Variants in TAFA2 observed in about 807,000 individuals in gnomAD.
TAFA2 encodes the protein TAFA chemokine like family member 2.
A neutral mutation model predicts 18.8 loss-of-function variants in TAFA2; 7 were observed. The ratio of observed to expected loss-of-function variants is 0.37; its 90% confidence interval spans 0.21 to 0.70. The LOEUF (loss-of-function observed/expected upper bound fraction) is 0.70, where lower values mean the gene tolerates loss of function less well. Ranked by LOEUF, TAFA2 falls within the 30% of genes least tolerant of loss-of-function variation. The pLI, the probability that TAFA2 is intolerant of heterozygous loss-of-function variation, is 0.53. For synonymous variants in TAFA2, 60 were observed against 54.2 expected, an observed-to-expected ratio of 1.11 and a Z score of -0.47; for missense variants, 122 against 158.1, an observed-to-expected ratio of 0.77 and a Z score of 1.23.
intron 1 of TAFA2, among the ~76,000 whole-genome samples, chr12:61,923,600 C>T (rs994437137): frequency 3.3e-5 from 5 of 152,032 alleles, no homozygotes; most frequent in African/African-American, 1.2e-4. Flanking sequence ...ACATCAAAGA[C>T]CAAAGGTAGA....
intron 1 of TAFA2, among the ~76,000 whole-genome samples, chr12:61,961,172 C>G (rs558421486): frequency 6.6e-6 from 1 of 151,826 alleles, no homozygotes; most frequent in East Asian, 2.0e-4. Context: ...GTGCCACACA[C>G]TTGTAAACCA....
At position 62,227,123 on chromosome 12, in the gene TAFA2, C is replaced by T. The variant is rs2062790282; in HGVS notation, c.-130+31640G>A. On this transcript the variant is annotated intron_variant, in intron 1 of 5. Coordinates refer to the TAFA2 transcript ENST00000551619. Reference sequence around the variant, plus strand: ...CCCTTTCCTTATCCTCACTTTATTTCTTGTTATTCCATACCTTGCACTTTG... The same window carrying T: ...CCCTTTCCTTATCCTCACTTTATTTTTTGTTATTCCATACCTTGCACTTTG... 2.0e-5 allele frequency among the ~76,000 whole-genome samples: 3 copies of T among 152,186 alleles called. No individual in the cohort carries two copies. In the South Asian group the frequency reaches 6.2e-4, roughly 32 times the overall value.
intron 3 of TAFA2, among the ~76,000 whole-genome samples, chr12:61,754,378 C>A (rs1452883536): frequency 6.6e-6 from 1 of 151,276 alleles, no homozygotes; most frequent in Non-Finnish European, 1.5e-5. Context: ...ATTAGGTGAA[C>A]CCTCAAGGAA....
At chr12:62,202,484 C>T (rs915291103) in intron 1 of TAFA2, among the ~76,000 whole-genome samples, 1 of 151,750 alleles carries the variant, frequency 6.6e-6, no homozygotes, top group Admixed American at 6.6e-5. Context: ...TAGCTGGGCA[C>T]CCACCACCAT....
intron 2 of TAFA2, among the ~76,000 whole-genome samples, chr12:61,815,301 A>C (rs976387322): frequency 1.3e-5 from 2 of 151,440 alleles, no homozygotes; most frequent in Non-Finnish European, 2.9e-5. Flanking sequence ...GGAGGAAAAA[A>C]GAAAATCAAG....
chr12:62,182,368 T>A (rs76239833), intron 1 of TAFA2, among the ~76,000 whole-genome samples: 3,374 of 152,266 alleles, frequency 0.022, 129 homozygotes, highest in African/African-American at 0.076. Flanking sequence ...GTGACCAGGT[T>A]TGAGCTGCTT....
chr12:61,895,830 T>C (rs995235144), intron 1 of TAFA2, among the ~76,000 whole-genome samples: 1 of 152,102 alleles, frequency 6.6e-6, no homozygotes, highest in African/African-American at 2.4e-5. Flanking sequence ...CATCCATGCC[T>C]AGGTACCCTA....
intron 1 of TAFA2, among the ~76,000 whole-genome samples, chr12:62,238,243 G>C (rs1231945190): frequency 2.0e-5 from 3 of 152,174 alleles, no homozygotes; most frequent in Non-Finnish European, 2.9e-5. Flanking sequence ...TGTCTTCTCA[G>C]AGTTTCTCAG....
intron 2 of TAFA2, among the ~76,000 whole-genome samples, chr12:61,758,150 G>C (rs1869364624): frequency 6.6e-6 from 1 of 151,844 alleles, no homozygotes; most frequent in South Asian, 2.1e-4. Flanking sequence ...TTAGTGGCAT[G>C]AAAAAAATAA....
At chr12:61,997,167 A>ATGTGTGTGTGTGTGTGTGTGTGTG (rs35419865) in intron 1 of TAFA2, among the ~76,000 whole-genome samples, 4 of 145,556 alleles carry the variant, frequency 2.7e-5, no homozygotes, top group South Asian at 2.2e-4. Context: ...ATATGTATAT[A>ATGTGTGTGTGTGTGTGTGTGTGTG]TGTGTGTGTG....
At chr12:62,122,467 T>C (rs1870241149) in intron 1 of TAFA2, among the ~76,000 whole-genome samples, 1 of 152,208 alleles carries the variant, frequency 6.6e-6, no homozygotes. Flanking sequence ...GGTGCTCCTT[T>C]AAGCATTGAC....
At chr12:61,831,452 G>T (rs1872717721) in intron 2 of TAFA2, among the ~76,000 whole-genome samples, 1 of 151,906 alleles carries the variant, frequency 6.6e-6, no homozygotes, top group African/African-American at 2.4e-5. Context: ...TCAAATCAAA[G>T]CTACTTTGAT....
In TAFA2 at chr12:61,871,859, G is replaced by A. The variant is rs144486963; in HGVS notation, c.-1-4433C>T. The stretch of plus-strand genomic sequence containing the variant: ...TGTAATCCCAGCACTTTGGGAGGCC[G>A]AGGTGGGTGGATCACAAGGTCAGGA... On this transcript the variant is annotated intron_variant, in intron 1 of 4. Coordinates refer to ENST00000416284, the MANE Select transcript of TAFA2 (RefSeq NM_178539.5). 6.2e-4 allele frequency among the ~76,000 whole-genome samples: 95 copies of A among 152,258 alleles called. No individual in the cohort carries two copies. In the East Asian group the frequency reaches 8.7e-3, roughly 14 times the overall value.
Position 61,968,442 on chromosome 12 carries a change from T to C in TAFA2, c.-1-101016A>G, listed in dbSNP as rs144142922. On this transcript the variant is annotated intron_variant, in intron 1 of 4. Transcript: ENST00000416284. ...TGTACTTAAGAATGTGCATTAAATA[T>C]GCTTGATCATTTTAAAGCATTATAC... Among the ~76,000 whole-genome samples, 514 of 151,858 alleles carry C rather than the reference T, an allele frequency of 3.4e-3. 6 individuals are homozygous for C. The highest frequency in any genetic ancestry group is 0.015 in the East Asian group (79 of 5,130).
chr12:61,998,133 T>G (rs1880262134), intron 1 of TAFA2, among the ~76,000 whole-genome samples: 1 of 152,038 alleles, frequency 6.6e-6, no homozygotes, highest in Non-Finnish European at 1.5e-5. Context: ...GGAAAGAATT[T>G]AAGGAATAAG....
At chr12:62,155,623 A>T (rs1384645534) in intron 1 of TAFA2, among the ~76,000 whole-genome samples, 1 of 152,100 alleles carries the variant, frequency 6.6e-6, no homozygotes, top group Non-Finnish European at 1.5e-5. Flanking sequence ...CAGAATAGAG[A>T]ACCCAAAATA....
intron 1 of TAFA2, among the ~76,000 whole-genome samples, chr12:62,119,629 A>G (rs1344679614): frequency 1.3e-5 from 2 of 152,266 alleles, no homozygotes; most frequent in Admixed American, 1.3e-4. Context: ...TTTAAATGAA[A>G]CCGAATTAAC....
chr12:62,241,827 C>A (rs1180558358), intron 1 of TAFA2, among the ~76,000 whole-genome samples: 1 of 152,174 alleles, frequency 6.6e-6, no homozygotes, highest in Non-Finnish European at 1.5e-5. Context: ...TCATTAAAAA[C>A]AAGCACCTCA....
At chr12:61,927,069 GAAAAA>G (rs56908081) in intron 1 of TAFA2, among the ~76,000 whole-genome samples, 19 of 69,930 alleles carry the variant, frequency 2.7e-4, no homozygotes, top group East Asian at 2.0e-3. Context: ...GTGAGACTCT[GAAAAA>G]AAAAAAAAAA....
Sources: allele counts gnomAD v4.1 joint callset (sites outside exome capture counted in the v4.1 genomes callset), GRCh38; gene constraint gnomAD v4.1.1; transcripts MANE v1.5; gene names NCBI Gene and HGNC (gene_info 2026-07-23, HGNC 2026-07-21).